The following PCDHGB4 variants were observed in gnomAD, a reference collection of about 807,000 sequenced individuals.
PCDHGB4 encodes protocadherin gamma-B4.
A neutral mutation model predicts 60.5 loss-of-function variants in PCDHGB4; 38 were observed. That is an observed-to-expected ratio of 0.63 (90% CI 0.48 to 0.82). The LOEUF (loss-of-function observed/expected upper bound fraction) is 0.82, where lower values mean the gene tolerates loss of function less well. Among genes scored for constraint, PCDHGB4 ranks in the 40% least tolerant of loss-of-function variants. PCDHGB4 has a pLI of 0.00. For missense variants in PCDHGB4, 1,109 were observed against 1,209.6 expected (o/e 0.92, Z 1.23); for synonymous variants, 456 against 509.7 (o/e 0.89, Z 1.42).
At chr5:141,408,812 G>T (rs1383299883) in intron 1 of PCDHGB4, 2 of 1,613,454 alleles carry the variant, frequency 1.2e-6, no homozygotes, top group Non-Finnish European at 8.5e-7. Context: ...AGACCGGGAA[G>T]AACAGAGATC....
chr5:141,392,542 A>C (rs2092551305), intron 1 of PCDHGB4: 1 of 323,320 alleles, frequency 3.1e-6, no homozygotes, highest in African/African-American at 2.1e-5. Flanking sequence ...ATTTAGAAGT[A>C]ATCTGTATCT....
rs762414791 is a variant in PCDHGB4 at position 141,418,601 on chromosome 5, A to G, written c.2397+28320A>G. The G allele has an allele frequency of 3.5e-5, 57 of 1,613,930 alleles. No individual in the cohort carries two copies. The highest frequency in any genetic ancestry group is 1.7e-6 in the Non-Finnish European group (2 of 1,179,902). On this transcript the variant is annotated intron_variant, in intron 1 of 3. Coordinates refer to ENST00000519479, the MANE Select transcript of PCDHGB4 (RefSeq NM_003736.4). ...CCCAGTGTTCAGCCAGGACGTGTAC[A>G]GGGTTAGCCTTCGGGAAGACGTGCC...
At chr5:141,505,341 A>G in intron 2 of PCDHGB4, 52 bp from the exon 3 acceptor site, 3 of 1,612,728 alleles carry the variant, frequency 1.9e-6, no homozygotes, top group Non-Finnish European at 2.5e-6. Context: ...CAGGAGGGGC[A>G]TGAGCTGTGC....
intron 1 of PCDHGB4, among the ~76,000 whole-genome samples, chr5:141,434,567 C>T (rs1220152239): frequency 6.6e-6 from 1 of 152,206 alleles, no homozygotes; most frequent in East Asian, 1.9e-4. Flanking sequence ...TAAGGACATG[C>T]CCCTGCTGCA....
In PCDHGB4 at chr5:141,494,863, C is replaced by A. The variant is rs538734954; in HGVS notation, c.2454C>A (p.Ser818Arg). 17 of 1,614,118 alleles carry A rather than the reference C, an allele frequency of 1.1e-5. No individual in the cohort carries two copies. Among genetic ancestry groups the A allele is most frequent in the Non-Finnish European group, 1.4e-5 (17 of 1,179,994 alleles). Residue 818 changes from serine to arginine, a missense_variant and splice_region_variant, in exon 2 of 4, where the codon AGC becomes AGA. By Grantham distance (110) the Ser-to-Arg change is moderately radical. Transcript: ENST00000519479. ...RFSQAQRPGT[S>R]GSQNGDDTGT... ...CTCAGGCCCAGAGACCCGGCACCAG[C>A]GGGTAGGTGACTGATTCTCCAGCCC...
At chr5:141,404,482 C>T (rs758102201) in intron 1 of PCDHGB4, 2 of 1,613,594 alleles carry the variant, frequency 1.2e-6, no homozygotes, top group East Asian at 2.2e-5. Context: ...TTAACTCAGA[C>T]ACTGGTGTGC....
chr5:141,410,311 C>T lies in PCDHGB4; in HGVS notation c.2397+20030C>T, dbSNP rs867067555. On this transcript the variant is annotated intron_variant, in intron 1 of 3. Coordinates refer to ENST00000519479, the MANE Select transcript of PCDHGB4 (RefSeq NM_003736.4). ...CCTTGGCCTTAATCTCAGTGCTCTT[C>T]CTCCTCGCCGTGATTCTGGCCATTG... 4 of 1,613,936 alleles carry T rather than the reference C, an allele frequency of 2.5e-6. No homozygotes were observed. In the African/African-American group the frequency reaches 5.3e-5, roughly 22 times the overall value.
intron 1 of PCDHGB4, chr5:141,413,082 A>G: frequency 7.4e-7 from 1 of 1,344,446 alleles, no homozygotes; most frequent in African/African-American, 1.5e-5. Context: ...CCCAGGCTAC[A>G]GAGACACCCT....
At chr5:141,400,302 T>A (rs7701363) in intron 1 of PCDHGB4, 1 of 1,614,082 alleles carries the variant, frequency 6.2e-7, no homozygotes, top group African/African-American at 1.3e-5. Context: ...GCTTCCAACC[T>A]GGTCTCTGTG....
At chr5:141,400,233 C>A (rs373858401) in intron 1 of PCDHGB4, 2 of 1,613,988 alleles carry the variant, frequency 1.2e-6, no homozygotes, top group African/African-American at 1.3e-5. Flanking sequence ...TCCTCCTGGC[C>A]GTGATTCTGG....
intron 1 of PCDHGB4, chr5:141,405,626 C>G (rs1329214735): frequency 3.7e-6 from 2 of 538,556 alleles, no homozygotes; most frequent in South Asian, 5.3e-5. Context: ...AGGCACGTGC[C>G]ACCACGCCCG....
intron 3 of PCDHGB4, among the ~76,000 whole-genome samples, chr5:141,509,347 C>A (rs755234053): frequency 2.6e-5 from 4 of 152,142 alleles, no homozygotes; most frequent in Non-Finnish European, 5.9e-5. Context: ...CCTGGGCTGG[C>A]CTGGGCATCC....
In PCDHGB4 at chr5:141,445,206, A is replaced by G. The variant is rs1244524491; in HGVS notation, c.2398-49601A>G. On this transcript the variant is annotated intron_variant, in intron 1 of 3. Transcript: ENST00000519479. ...TTTTTATGTATTCTATATGCTTTTGAAAAGTAAGAGGTGCAAAGTGCTCTA... is the reference window on the plus strand; with the variant it reads ...TTTTTATGTATTCTATATGCTTTTGGAAAGTAAGAGGTGCAAAGTGCTCTA... 3.3e-5 allele frequency among the ~76,000 whole-genome samples: 5 copies of G among 152,182 alleles called. No individual in the cohort carries two copies. The East Asian group carries it at 7.7e-4, about 23-fold the overall frequency.
In PCDHGB4 at chr5:141,432,142, C is replaced by T; in HGVS notation, c.2397+41861C>T. 1 of 1,614,098 alleles carries T rather than the reference C, an allele frequency of 6.2e-7. No individual in the cohort carries two copies. Among genetic ancestry groups the T allele is most frequent in the Non-Finnish European group, 8.5e-7 (1 of 1,180,016 alleles). On this transcript the variant is annotated intron_variant, in intron 1 of 3. Transcript: ENST00000519479. This position sits in a 1 kb window ranked among gnomAD's most constrained non-coding sequence, Gnocchi z 6.0. Reference sequence around the variant, plus strand: ...CTCAGGCCTCCTATTCCGCTTATATCCCAGAGAACAATCCCAGAGGAGTTT... The same window carrying T: ...CTCAGGCCTCCTATTCCGCTTATATTCCAGAGAACAATCCCAGAGGAGTTT...
chr5:141,409,474 C>T, intron 1 of PCDHGB4: 1 of 1,614,002 alleles, frequency 6.2e-7, no homozygotes, highest in Non-Finnish European at 8.5e-7. Flanking sequence ...CCATCGTAGC[C>T]ACTGACAGGG....
At chr5:141,430,404 A>T (rs1054341813) in intron 1 of PCDHGB4, among the ~76,000 whole-genome samples, 2 of 152,000 alleles carry the variant, frequency 1.3e-5, no homozygotes, top group African/African-American at 4.8e-5. Flanking sequence ...AAAGCTCACT[A>T]AAGTTTCTAT....
At chr5:141,413,215 T>C in intron 1 of PCDHGB4, 1 of 1,613,350 alleles carries the variant, frequency 6.2e-7, no homozygotes, top group Non-Finnish European at 8.5e-7. Context: ...ATCAAAGGAT[T>C]GCAGCGGGCT....
intron 1 of PCDHGB4, chr5:141,420,300 C>T (rs773892933): frequency 1.6e-5 from 24 of 1,467,248 alleles, no homozygotes; most frequent in African/African-American, 2.8e-5. Context: ...TGTATTTAAT[C>T]CTTTTTATAT....
chr5:141,389,984 C>G lies in PCDHGB4; in HGVS notation c.2100C>G (p.Leu700=). ...TGGCCTTGGCCTTGATCTCAGTGCTCTTCCTCGTGGCCATGATTCTGGCCA... is the reference window on the plus strand; with the variant it reads ...TGGCCTTGGCCTTGATCTCAGTGCTGTTCCTCGTGGCCATGATTCTGGCCA... ...LVVALALISV[L]FLVAMILAIA... The change falls in exon 1 of 4, where the codon CTC becomes CTG. Residue 700 remains leucine (L), a synonymous_variant. Coordinates refer to ENST00000519479, the MANE Select transcript of PCDHGB4 (RefSeq NM_003736.4). 6.2e-7 allele frequency: 1 copy of G among 1,614,070 alleles called. No individual in the cohort carries two copies. The highest frequency in any genetic ancestry group is 8.5e-7 in the Non-Finnish European group (1 of 1,179,904).
Sources: allele counts gnomAD v4.1 joint callset (sites outside exome capture counted in the v4.1 genomes callset), GRCh38; gene constraint gnomAD v4.1.1; non-coding constraint Gnocchi (gnomAD v3.1); transcripts MANE v1.5; gene names NCBI Gene and HGNC (gene_info 2026-07-23, HGNC 2026-07-21).